The following TENM2 variants were observed in gnomAD, a reference collection of about 807,000 sequenced individuals.
The protein encoded by TENM2 is teneurin-2.
TENM2 carries 52 observed loss-of-function variants against 245.2 expected under a neutral mutation model. The ratio of observed to expected loss-of-function variants is 0.21; its 90% CI spans 0.17 to 0.27. The LOEUF (loss-of-function observed/expected upper bound fraction) is 0.27. Among genes scored for constraint, TENM2 ranks in the 10% least tolerant of loss-of-function variants. The pLI is 1.00. For missense variants in TENM2, 3,046 were observed against 3,666.8 expected (o/e 0.83, Z 4.37); for synonymous variants, 1,363 against 1,438.9 (o/e 0.95, Z 1.19).
At chr5:167,171,738 C>T in the TENM2 span, among the ~76,000 whole-genome samples, 2 of 152,140 alleles carry the variant, frequency 1.3e-5, no homozygotes, top group South Asian at 4.1e-4. Flanking sequence ...AGAGGAAGAT[C>T]AACTGAGAAG....
At chr5:168,052,436 A>ATG (rs1003400226) in intron 6 of TENM2, among the ~76,000 whole-genome samples, 2 of 151,584 alleles carry the variant, frequency 1.3e-5, no homozygotes, top group African/African-American at 4.9e-5. Context: ...ATGTGTATGT[A>ATG]TGTGTATATA....
chr5:167,796,777 C>T (rs944880489), intron 2 of TENM2, among the ~76,000 whole-genome samples: 3 of 151,986 alleles, frequency 2.0e-5, no homozygotes, highest in East Asian at 1.9e-4. Flanking sequence ...ATATGAAAGT[C>T]GCACATCCTT....
chr5:167,189,479 T>C, the TENM2 span, among the ~76,000 whole-genome samples: 1 of 149,948 alleles, frequency 6.7e-6, no homozygotes, highest in African/African-American at 2.5e-5. Flanking sequence ...CTTTCTCTCT[T>C]TTCTTTTCTT....
At chr5:167,413,160 A>C (rs1368199406) in intron 2 of TENM2, among the ~76,000 whole-genome samples, 1 of 152,134 alleles carries the variant, frequency 6.6e-6, no homozygotes. Context: ...TCTGATCATC[A>C]GTATTAATTC....
intron 2 of TENM2, among the ~76,000 whole-genome samples, chr5:167,627,473 T>C (rs1363995052): frequency 6.6e-6 from 1 of 152,140 alleles, no homozygotes; most frequent in African/African-American, 2.4e-5. Flanking sequence ...ATATCTAGGA[T>C]GTATATTTGA....
chr5:168,219,599 G>T (rs1309316084), intron 23 of TENM2, among the ~76,000 whole-genome samples: 2 of 152,130 alleles, frequency 1.3e-5, no homozygotes, highest in Non-Finnish European at 2.9e-5. Context: ...CTTGGTCAAA[G>T]TGTCTGCTGC....
intron 2 of TENM2, among the ~76,000 whole-genome samples, chr5:167,513,203 C>G (rs1770087103): frequency 1.3e-5 from 2 of 152,214 alleles, no homozygotes; most frequent in South Asian, 2.1e-4. Context: ...TTTTATCTTC[C>G]TTAGTAACAT....
the TENM2 span, among the ~76,000 whole-genome samples, chr5:167,143,510 T>G: frequency 6.6e-6 from 1 of 152,224 alleles, no homozygotes; most frequent in Non-Finnish European, 1.5e-5. Flanking sequence ...TGTGGTGTTA[T>G]AAGAAAGATT....
At chr5:167,951,222 C>T (rs1281544674) in intron 3 of TENM2, among the ~76,000 whole-genome samples, 2 of 152,166 alleles carry the variant, frequency 1.3e-5, no homozygotes, top group Admixed American at 6.5e-5. Context: ...AAATTTGTGT[C>T]AAATTGCTTG....
chr5:167,053,519 A>G, the TENM2 span, among the ~76,000 whole-genome samples: 7 of 152,118 alleles, frequency 4.6e-5, no homozygotes, highest in Non-Finnish European at 7.4e-5. Flanking sequence ...CTATAACTCC[A>G]AATTATCAGC....
intron 2 of TENM2, among the ~76,000 whole-genome samples, chr5:167,552,043 A>G (rs890748559): frequency 2.0e-5 from 3 of 152,212 alleles, no homozygotes; most frequent in Non-Finnish European, 4.4e-5. Flanking sequence ...GAGAAAAAGC[A>G]TAATACCTGC....
chr5:167,918,883 A>G (rs944285920), intron 3 of TENM2, among the ~76,000 whole-genome samples: 4 of 151,976 alleles, frequency 2.6e-5, no homozygotes, highest in Admixed American at 6.6e-5. Context: ...TCTTCCGAGC[A>G]GCTTGAAATG....
At chr5:167,387,973 A>T (rs1761539929) in intron 2 of TENM2, among the ~76,000 whole-genome samples, 1 of 152,040 alleles carries the variant, frequency 6.6e-6, no homozygotes. Flanking sequence ...GTCGGACTCT[A>T]GTTTTCTTTT....
intron 7 of TENM2, among the ~76,000 whole-genome samples, chr5:168,089,449 A>G (rs1792737321): frequency 6.6e-6 from 1 of 152,094 alleles, no homozygotes; most frequent in Non-Finnish European, 1.5e-5. Flanking sequence ...CATTTCATCT[A>G]TTATTTAGAA....
intron 1 of TENM2, among the ~76,000 whole-genome samples, chr5:167,340,805 A>T (rs1177549817): frequency 6.6e-6 from 1 of 152,246 alleles, no homozygotes; most frequent in Admixed American, 6.5e-5. Flanking sequence ...CATACAGACA[A>T]AATATTAAAC....
chr5:166,981,934 G>A, the TENM2 span, among the ~76,000 whole-genome samples: 1 of 152,096 alleles, frequency 6.6e-6, no homozygotes, highest in Non-Finnish European at 1.5e-5. Context: ...ACATCGTTTG[G>A]TGTGGTATTG....
chr5:167,365,383 A>AG (rs916503198), intron 1 of TENM2, among the ~76,000 whole-genome samples: 1 of 141,948 alleles, frequency 7.0e-6, no homozygotes, highest in African/African-American at 2.6e-5. Context: ...GAGAAGGATG[A>AG]GAAAAAAAAA....
intron 2 of TENM2, among the ~76,000 whole-genome samples, chr5:167,788,456 C>A (rs1031041067): frequency 1.3e-5 from 2 of 152,252 alleles, no homozygotes; most frequent in South Asian, 4.1e-4. Context: ...AAAGAAAAAA[C>A]CACCTGATTT....
rs552606915 is a variant in TENM2, at chr5:168,226,971, G to A, written c.5284+708G>A. 9.9e-5 allele frequency among the ~76,000 whole-genome samples: 15 copies of A among 152,270 alleles called. 1 individual carries two copies. Among genetic ancestry groups the A allele is most frequent in the South Asian group, 8.3e-4 (4 of 4,816 alleles). ...CATTTCTGGACTATTATCCCACAGCGGAGCCTGTTTCAATGACTCTATTTC... is the reference window on the plus strand; with the variant it reads ...CATTTCTGGACTATTATCCCACAGCAGAGCCTGTTTCAATGACTCTATTTC... On this transcript the variant is annotated intron_variant, in intron 24 of 28. Transcript: ENST00000518659.
Sources: gnomAD v4.1 joint callset for allele counts (sites outside exome capture counted in the v4.1 genomes callset) on GRCh38, gnomAD v4.1.1 for gene constraint, MANE v1.5 for transcripts, NCBI Gene and HGNC (gene_info 2026-07-23, HGNC 2026-07-21) for gene names.